RBPJ: variants seen among roughly 807,000 people sequenced by gnomAD.
RBPJ encodes recombination signal binding protein for immunoglobulin kappa J region.
In RBPJ, 9 loss-of-function variants were observed where a neutral mutation model predicts 67.8. That is an observed-to-expected ratio of 0.13 (90% CI 0.08 to 0.23). RBPJ has a LOEUF of 0.23. Among genes scored for constraint, RBPJ ranks in the 10% least tolerant of loss-of-function variants. The pLI is 1.00. For synonymous variants in RBPJ, 198 were observed against 203.3 expected, an observed-to-expected ratio of 0.97 and a Z score of 0.22; for missense variants, 305 against 595.6, an observed-to-expected ratio of 0.51 and a Z score of 5.08.
chr4:26,340,438 G>T (rs1725386121), intron 1 of RBPJ, among the ~76,000 whole-genome samples: 1 of 152,214 alleles, frequency 6.6e-6, no homozygotes, highest in Non-Finnish European at 1.5e-5. Context: ...ATTTTGAGAT[G>T]AGTAGCTACT....
intron 1 of RBPJ, among the ~76,000 whole-genome samples, chr4:26,219,017 G>T (rs928852637): frequency 6.6e-6 from 1 of 152,202 alleles, no homozygotes; most frequent in Non-Finnish European, 1.5e-5. Flanking sequence ...GGAAGCTAAT[G>T]AGTGTATTTA....
At chr4:26,400,223 A>C (rs1484260062) in intron 2 of RBPJ, among the ~76,000 whole-genome samples, 1 of 152,118 alleles carries the variant, frequency 6.6e-6, no homozygotes, top group African/African-American at 2.4e-5. Context: ...GGTTTATCCC[A>C]GTAGTTTTCA....
chr4:26,146,710 T>A, the RBPJ span, among the ~76,000 whole-genome samples: 5 of 152,114 alleles, frequency 3.3e-5, no homozygotes, highest in Non-Finnish European at 5.9e-5. Flanking sequence ...ATAAGAAAAA[T>A]ATCCAACAGT....
intron 1 of RBPJ, among the ~76,000 whole-genome samples, chr4:26,263,535 C>T (rs184272542): frequency 6.6e-6 from 1 of 152,308 alleles, no homozygotes; most frequent in African/African-American, 2.4e-5. Context: ...ATTGTTTCCT[C>T]CACCAAATTT....
At chr4:26,180,541 G>A (rs565694695) in intron 1 of RBPJ, among the ~76,000 whole-genome samples, 3 of 152,276 alleles carry the variant, frequency 2.0e-5, no homozygotes, top group African/African-American at 7.2e-5. Context: ...TCTTCTATCT[G>A]TGTCCTCACA....
chr4:26,223,297 C>A (rs1000246445), intron 1 of RBPJ, among the ~76,000 whole-genome samples: 1 of 152,132 alleles, frequency 6.6e-6, no homozygotes, highest in Non-Finnish European at 1.5e-5. Flanking sequence ...GATAGGCACT[C>A]TCCCTGACAC....
the RBPJ span, among the ~76,000 whole-genome samples, chr4:26,145,806 T>C: frequency 1.3e-5 from 2 of 152,196 alleles, no homozygotes; most frequent in African/African-American, 4.8e-5. Flanking sequence ...ACTTCTACTA[T>C]GAGTCAAAAT....
intron 4 of RBPJ, among the ~76,000 whole-genome samples, chr4:26,419,601 A>T (rs918762125): frequency 6.6e-6 from 1 of 152,222 alleles, no homozygotes; most frequent in Non-Finnish European, 1.5e-5. Flanking sequence ...TGTTTAGCTT[A>T]ATTTTAAAGT....
At chr4:26,415,392 A>G in intron 3 of RBPJ, 83 bp from the exon 4 acceptor site, 2 of 1,196,376 alleles carry the variant, frequency 1.7e-6, no homozygotes, top group Non-Finnish European at 2.3e-6. Context: ...TTTTGTATTC[A>G]TAATGTTCAA....
intron 1 of RBPJ, among the ~76,000 whole-genome samples, chr4:26,184,193 A>AAAG (rs1553846573): frequency 4.0e-5 from 4 of 99,276 alleles, no homozygotes; most frequent in Non-Finnish European, 6.1e-5. Context: ...AAAAAAAAAA[A>AAAG]AAAGAAAGAA....
At chr4:26,416,253 C>G (rs938988218) in intron 4 of RBPJ, among the ~76,000 whole-genome samples, 3 of 152,094 alleles carry the variant, frequency 2.0e-5, no homozygotes, top group African/African-American at 7.2e-5. Flanking sequence ...AGCAGTCAAT[C>G]TAGATCTTTT....
At chr4:26,108,226 T>C in the RBPJ span, among the ~76,000 whole-genome samples, 1 of 152,104 alleles carries the variant, frequency 6.6e-6, no homozygotes. Flanking sequence ...GAATGGGGAA[T>C]GGCATCCAGG....
chr4:26,169,047 G>A (rs188291487), intron 1 of RBPJ, among the ~76,000 whole-genome samples: 175 of 152,262 alleles, frequency 1.1e-3, no homozygotes, highest in Non-Finnish European at 2.0e-3. Flanking sequence ...TAGTTTGATC[G>A]TCTGAAGCTT....
At position 26,431,027 on chromosome 4, in the gene RBPJ, A is replaced by G. The variant is rs866532092; in HGVS notation, c.*20A>G. The G allele has an allele frequency of 1.3e-6, 2 of 1,595,750 alleles. No individual in the cohort carries two copies. The highest frequency in any genetic ancestry group is 3.8e-4 in the Middle Eastern group (2 of 5,278). Reference sequence around the variant, plus strand: ...TCCTAACTACCGTCTTTTTGCTAGGACTTAAACTGACTTGAGTGTGGCAAA... The same window carrying G: ...TCCTAACTACCGTCTTTTTGCTAGGGCTTAAACTGACTTGAGTGTGGCAAA... On this transcript the variant is annotated 3_prime_UTR_variant, in exon 11 of 11. Transcript: ENST00000355476.
rs1387448267 is a variant in RBPJ, at chr4:26,264,293, G to C, written c.-166-98153G>C. On this transcript the variant is annotated intron_variant, in intron 1 of 4. Coordinates refer to the RBPJ transcript ENST00000512351. This position sits in a 1 kb window ranked among gnomAD's most constrained non-coding sequence, Gnocchi z 4.1. ...AAATCAATGAATACTTATTAATTCA[G>C]ATCTTAGTAATTAATTATTATTAAT... Among the ~76,000 whole-genome samples the C allele has an allele frequency of 6.6e-6, 1 of 152,108 alleles. No individual in the cohort carries two copies. The highest frequency in any genetic ancestry group is 1.5e-5 in the Non-Finnish European group (1 of 68,018).
At chr4:26,347,963 T>A (rs1358470977) in intron 1 of RBPJ, among the ~76,000 whole-genome samples, 1 of 151,842 alleles carries the variant, frequency 6.6e-6, no homozygotes, top group Non-Finnish European at 1.5e-5. Flanking sequence ...TCTTTTTCTT[T>A]TTCTTTTTTT....
Position 26,420,741 on chromosome 4 carries a change from T to A in RBPJ, c.496+16T>A. The A allele has an allele frequency of 6.4e-7, 1 of 1,567,882 alleles. No individual in the cohort carries two copies. The highest frequency in any genetic ancestry group is 1.2e-5 in the South Asian group (1 of 82,930). ...AATGCTGACTGTATGTATGCTTTTC[T>A]TATTTATCCCCAACTGCCACCATGA... On this transcript the variant is annotated intron_variant, in intron 5 of 10. Coordinates refer to ENST00000355476, the MANE Select transcript of RBPJ (RefSeq NM_015874.6).
At chr4:26,234,983 T>C (rs894809416) in intron 1 of RBPJ, among the ~76,000 whole-genome samples, 2 of 152,172 alleles carry the variant, frequency 1.3e-5, no homozygotes, top group Non-Finnish European at 2.9e-5. Flanking sequence ...TGAGCCACTG[T>C]GCCCGGCCTG....
chr4:26,386,433 G>A, intron 2 of RBPJ, 42 bp downstream of exon 2: 1 of 1,326,350 alleles, frequency 7.5e-7, no homozygotes, highest in Non-Finnish European at 1.1e-6. Context: ...TACATTTTAT[G>A]AAAGTATAAA....
Sources: allele counts gnomAD v4.1 joint callset (sites outside exome capture counted in the v4.1 genomes callset), GRCh38; gene constraint gnomAD v4.1.1; non-coding constraint Gnocchi (gnomAD v3.1); transcripts MANE v1.5; gene names NCBI Gene and HGNC (gene_info 2026-07-23, HGNC 2026-07-21).